MB: variants seen among roughly 807,000 people sequenced by gnomAD.
MB encodes nitrite reductase MB.
In MB, 10 loss-of-function variants were observed where a neutral mutation model predicts 14.5. That is an observed-to-expected ratio of 0.69 (90% confidence interval 0.43 to 1.17). The LOEUF (loss-of-function observed/expected upper bound fraction) is 1.17. Among genes scored for constraint, MB ranks in the 50% most tolerant of loss-of-function variants. MB has a pLI of 0.00. For missense variants in MB, 169 were observed against 192.7 expected, an observed-to-expected ratio of 0.88 and a Z score of 0.73; for synonymous variants, 89 against 78.6, an observed-to-expected ratio of 1.13 and a Z score of -0.70.
chr22:35,607,124 T>C lies in MB; in HGVS notation c.*173A>G, dbSNP rs1601839475. On this transcript the variant is annotated 3_prime_UTR_variant, in exon 3 of 3. Coordinates refer to ENST00000397326, the MANE Select transcript of MB (RefSeq NM_005368.3). ...GACATCCCACAGGGAGGCGCATCGC[T>C]GGGCATGCAAAGCCAACTTCAACAC... 1.6e-6 allele frequency: 1 copy of C among 637,756 alleles called. No individual in the cohort carries two copies. Among genetic ancestry groups the C allele is most frequent in the African/African-American group, 1.8e-5 (1 of 55,862 alleles). The allele number at this position is 637,756 out of a possible 1,614,324, so 39.5% of individuals were successfully genotyped here. A position where few individuals can be genotyped will look rare whatever the true frequency, so the allele number is the denominator to read the frequency against.
At chr22:35,621,713 G>A (rs1002429531), upstream of MB, among the ~76,000 whole-genome samples, 2 of 152,128 alleles carry the variant, frequency 1.3e-5, no homozygotes, top group Non-Finnish European at 2.9e-5. Context: ...CGGCAGCTCC[G>A]CCTGCTCCTT....
At chr22:35,622,937 C>A (rs953200462) in intron 1 of MB, among the ~76,000 whole-genome samples, 1 of 152,232 alleles carries the variant, frequency 6.6e-6, no homozygotes, top group African/African-American at 2.4e-5. Flanking sequence ...CCCTCTTCCC[C>A]ACTCTGGCTC....
chr22:35,607,910 G>A (rs1922282799), intron 2 of MB, among the ~76,000 whole-genome samples: 2 of 152,182 alleles, frequency 1.3e-5, no homozygotes, highest in Admixed American at 1.3e-4. Context: ...CTATTTGTGT[G>A]TATGCAATTT....
chr22:35,611,009 G>T lies in MB; in HGVS notation c.193C>A (p.His65Asn), dbSNP rs1182829035. The change falls in exon 2 of 3, where the codon CAT becomes AAT. Residue 65 changes from histidine to asparagine, a missense_variant. His to Asn is a moderately conservative substitution (Grantham distance 68). Coordinates refer to ENST00000397326, the MANE Select transcript of MB (RefSeq NM_005368.3). Reference protein sequence around the residue: ...EMKASEDLKKHGATVLTALGG... With the variant: ...EMKASEDLKKNGATVLTALGG... ...AGGGCGGTGAGCACGGTGGCACCAT[G>T]CTTCTTTAAGTCCTCAGACGCCTTC... 1.9e-6 allele frequency: 3 copies of T among 1,614,168 alleles called. No homozygotes were observed. Among genetic ancestry groups the T allele is most frequent in the South Asian group, 2.2e-5 (2 of 91,082 alleles).
chr22:35,617,039 G>T, intron 1 of MB, 124 bp downstream of exon 1: 1 of 738,310 alleles, frequency 1.4e-6, no homozygotes, highest in Non-Finnish European at 2.4e-6. Flanking sequence ...GCAAGTGACC[G>T]TTCTAACACC....
In MB at chr22:35,607,350, G is replaced by C; in HGVS notation, c.412C>G (p.Leu138Val). The C allele has an allele frequency of 6.2e-7, 1 of 1,614,218 alleles. No homozygotes were observed. Among genetic ancestry groups the C allele is most frequent in the Non-Finnish European group, 8.5e-7 (1 of 1,180,008 alleles). ...TTGGAGGCCATGTCCTTCCGGAACA[G>C]CTCCAGGGCCTTGTTCATGGCCCCC... The part of the protein sequence containing the change: ...AQGAMNKALE[L>V]FRKDMASNYK... The change falls in exon 3 of 3, where the codon CTG becomes GTG. Residue 138 changes from leucine to valine, a missense_variant. Physicochemically the swap from Leu to Val is conservative, Grantham distance 32 (BLOSUM62 1). Coordinates refer to ENST00000397326, the MANE Select transcript of MB (RefSeq NM_005368.3).
At chr22:35,613,911 C>T (rs1228026062) in intron 1 of MB, among the ~76,000 whole-genome samples, 2 of 151,936 alleles carry the variant, frequency 1.3e-5, no homozygotes, top group Non-Finnish European at 2.9e-5. Flanking sequence ...CAGCTAGGAG[C>T]CCCCCAGGCA....
chr22:35,609,080 T>G (rs1271864157), intron 2 of MB, among the ~76,000 whole-genome samples: 1 of 152,198 alleles, frequency 6.6e-6, no homozygotes, highest in African/African-American at 2.4e-5. Context: ...CTTGGCTGCA[T>G]GGTTTTTTCT....
Position 35,610,903 on chromosome 22 carries a change from A to T in MB, c.299T>A (p.Ile100Asn), listed in dbSNP as rs754239947. 3 of 1,613,860 alleles carry T rather than the reference A, an allele frequency of 1.9e-6. No individual in the cohort carries two copies. The highest frequency in any genetic ancestry group is 2.5e-6 in the Non-Finnish European group (3 of 1,179,906). Reference protein sequence around the residue: ...LAQSHATKHKIPVKYLEFISE... With the variant: ...LAQSHATKHKNPVKYLEFISE... ...TCCTACCTCCAGGTACTTCACGGGGATCTTGTGCTTGGTGGCATGCGACTG... is the reference window on the plus strand; with the variant it reads ...TCCTACCTCCAGGTACTTCACGGGGTTCTTGTGCTTGGTGGCATGCGACTG... The change falls in exon 2 of 3, where the codon ATC becomes AAC. Residue 100 changes from isoleucine (I) to asparagine (N), a missense_variant. Coordinates refer to ENST00000397326, the MANE Select transcript of MB (RefSeq NM_005368.3).
In MB at chr22:35,608,707, A is replaced by G. The variant is rs1452375683; in HGVS notation, c.319-1264T>C. Among the ~76,000 whole-genome samples, 2 of 152,184 alleles carry G rather than the reference A, an allele frequency of 1.3e-5. No homozygotes were observed. The highest frequency in any genetic ancestry group is 2.9e-5 in the Non-Finnish European group (2 of 68,036). On this transcript the variant is annotated intron_variant, in intron 2 of 2. Coordinates refer to ENST00000397326, the MANE Select transcript of MB (RefSeq NM_005368.3). The surrounding 1 kb of genome is among the most constrained non-coding windows in gnomAD (Gnocchi z 4.3). ...AGAGAATCAAGTTCCAGGGCCACCT[A>G]TGCCCCGACTCCATGTGTGACTTCA...
intron 1 of MB, among the ~76,000 whole-genome samples, chr22:35,612,294 A>G (rs1225521396): frequency 6.6e-6 from 1 of 152,200 alleles, no homozygotes; most frequent in Non-Finnish European, 1.5e-5. Context: ...AAGTTGTCAC[A>G]AGGAAGCACC....
upstream of MB, among the ~76,000 whole-genome samples, chr22:35,619,930 C>T (rs948697737): frequency 4.6e-5 from 7 of 152,334 alleles, no homozygotes; most frequent in African/African-American, 1.2e-4. Context: ...GCACCTCTGG[C>T]GCCCCTTCCC....
intron 2 of MB, among the ~76,000 whole-genome samples, chr22:35,609,731 G>C (rs1223572799): frequency 6.6e-6 from 1 of 152,168 alleles, no homozygotes; most frequent in Non-Finnish European, 1.5e-5. Flanking sequence ...TGCTAATTAC[G>C]TCCACAATAT....
upstream of MB, among the ~76,000 whole-genome samples, chr22:35,621,367 G>C (rs771033059): frequency 6.6e-6 from 1 of 152,018 alleles, no homozygotes; most frequent in African/African-American, 2.4e-5. Flanking sequence ...CATCCTCAAG[G>C]CTCCCAATTC....
At position 35,607,328 on chromosome 22, in the gene MB, G is replaced by C; in HGVS notation, c.434C>G (p.Ser145Cys). The C allele has an allele frequency of 1.2e-6, 2 of 1,613,854 alleles. No homozygotes were observed. Among genetic ancestry groups the C allele is most frequent in the Non-Finnish European group, 1.7e-6 (2 of 1,179,736 alleles). ...ALELFRKDMA[S>C]NYKELGFQG ...CTGGAAGCCCAGCTCCTTGTAGTTGGAGGCCATGTCCTTCCGGAACAGCTC... is the reference window on the plus strand; with the variant it reads ...CTGGAAGCCCAGCTCCTTGTAGTTGCAGGCCATGTCCTTCCGGAACAGCTC... The change falls in exon 3 of 3, where the codon TCC becomes TGC. Residue 145 changes from serine to cysteine, a missense_variant. By Grantham distance (112) the Ser-to-Cys change is moderately radical. Coordinates refer to ENST00000397326, the MANE Select transcript of MB (RefSeq NM_005368.3).
chr22:35,620,073 C>T (rs994284282), upstream of MB, among the ~76,000 whole-genome samples: 5 of 152,192 alleles, frequency 3.3e-5, no homozygotes, highest in African/African-American at 1.2e-4. Flanking sequence ...TGGTGGCTCA[C>T]GCCTGTAATC....
chr22:35,620,640 C>A (rs547223709), upstream of MB, among the ~76,000 whole-genome samples: 11 of 152,202 alleles, frequency 7.2e-5, no homozygotes, highest in African/African-American at 2.7e-4. Context: ...CTGCCTGGTG[C>A]GCTGGGGAAG....
chr22:35,611,207 G>A, intron 1 of MB, 101 bp from the exon 2 acceptor site: 1 of 809,654 alleles, frequency 1.2e-6, no homozygotes, highest in Non-Finnish European at 2.1e-6. Flanking sequence ...CTTCCCAGCT[G>A]TGTGACCTTG....
At chr22:35,619,873 CT>C (rs1923350317), upstream of MB, among the ~76,000 whole-genome samples, 1 of 152,172 alleles carries the variant, frequency 6.6e-6, no homozygotes, top group East Asian at 1.9e-4. Flanking sequence ...GTCCTGTGTA[CT>C]GAGTCGGCTG....
Sources: allele counts gnomAD v4.1 joint callset (sites outside exome capture counted in the v4.1 genomes callset), GRCh38; gene constraint gnomAD v4.1.1; non-coding constraint Gnocchi (gnomAD v3.1); transcripts MANE v1.5; gene names NCBI Gene and HGNC (gene_info 2026-07-23, HGNC 2026-07-21).